EFCAB3: variants seen among roughly 807,000 people sequenced by gnomAD.
EFCAB3 encodes the protein EF-hand calcium binding domain 3.
Under a neutral mutation model 42.2 loss-of-function variants are expected in EFCAB3, and 36 were observed. The ratio of observed to expected loss-of-function variants is 0.85; its 90% CI spans 0.65 to 1.13. The LOEUF (loss-of-function observed/expected upper bound fraction) is 1.13, where lower values mean the gene tolerates loss of function less well. Among genes scored for constraint, EFCAB3 ranks in the 50% most tolerant of loss-of-function variants. The pLI, the probability that EFCAB3 is intolerant of heterozygous loss-of-function variation, is 0.00. For missense variants in EFCAB3, 418 were observed against 505.1 expected, an observed-to-expected ratio of 0.83 and a Z score of 1.65; for synonymous variants, 170 against 172.8, an observed-to-expected ratio of 0.98 and a Z score of 0.13.
intron 6 of EFCAB3, among the ~76,000 whole-genome samples, chr17:62,399,497 C>A (rs2070382688): frequency 6.6e-6 from 1 of 151,874 alleles, no homozygotes; most frequent in Non-Finnish European, 1.5e-5. Context: ...GACATATTGG[C>A]CCTCTATGTG....
At chr17:62,387,455 C>T in intron 3 of EFCAB3, 39 bp downstream of exon 3, 2 of 1,510,432 alleles carry the variant, frequency 1.3e-6, no homozygotes, top group Non-Finnish European at 1.8e-6. Context: ...CATAACAGCT[C>T]CTTAATATGT....
At chr17:62,371,112 AAAG>A (rs2070111674) in intron 1 of EFCAB3, among the ~76,000 whole-genome samples, 2 of 151,898 alleles carry the variant, frequency 1.3e-5, no homozygotes, top group South Asian at 2.1e-4. Context: ...GAAAAAAAAA[AAAG>A]AGCAGATTTT....
intron 6 of EFCAB3, among the ~76,000 whole-genome samples, chr17:62,399,943 C>G (rs879390730): frequency 6.6e-6 from 1 of 152,138 alleles, no homozygotes; most frequent in Non-Finnish European, 1.5e-5. Context: ...TTCCCAGTAT[C>G]TATTATAGGA....
chr17:62,403,502 C>T (rs1218230636), intron 6 of EFCAB3, among the ~76,000 whole-genome samples: 1 of 152,208 alleles, frequency 6.6e-6, no homozygotes, highest in African/African-American at 2.4e-5. Context: ...AAGCACAAAT[C>T]TAATCATATC....
At position 62,393,600 on chromosome 17, in the gene EFCAB3, T is replaced by G. The variant is rs1405434846; in HGVS notation, c.323T>G (p.Phe108Cys). Reference sequence around the variant, plus strand: ...GATGGGAAGGTGAACTTCTCAGACTTTATCAAGGTTCTAACAGATAAGAAT... The same window carrying G: ...GATGGGAAGGTGAACTTCTCAGACTGTATCAAGGTTCTAACAGATAAGAAT... The part of the protein sequence containing the change: ...DRDGKVNFSD[F>C]IKVLTDKNLF... Residue 108 changes from phenylalanine to cysteine, a missense_variant, in exon 5 of 10, where the codon TTT (phenylalanine) becomes TGT (cysteine). Transcript: ENST00000305286. The G allele has an allele frequency of 6.2e-7, 1 of 1,614,132 alleles. No individual in the cohort carries two copies. Among genetic ancestry groups the G allele is most frequent in the Admixed American group, 1.7e-5 (1 of 60,016 alleles).
chr17:62,399,744 C>A (rs896182412), intron 6 of EFCAB3, among the ~76,000 whole-genome samples: 7 of 152,106 alleles, frequency 4.6e-5, no homozygotes, highest in Admixed American at 4.6e-4. Context: ...TCTAACCACC[C>A]TGTTTAAAAC....
chr17:62,377,442 A>G (rs1336849263), upstream of EFCAB3, among the ~76,000 whole-genome samples: 1 of 152,212 alleles, frequency 6.6e-6, no homozygotes, highest in Non-Finnish European at 1.5e-5. Flanking sequence ...TTTAGAGGAA[A>G]GAAAAGAAAA....
At chr17:62,373,633 C>T (rs76231263) in intron 1 of EFCAB3, among the ~76,000 whole-genome samples, 1 of 151,484 alleles carries the variant, frequency 6.6e-6, no homozygotes, top group South Asian at 2.1e-4. Context: ...AAAAGTTCAT[C>T]TTTTTTTTTC....
At chr17:62,373,729 G>T in intron 1 of EFCAB3, 2 of 758,598 alleles carry the variant, frequency 2.6e-6, no homozygotes, top group Non-Finnish European at 4.4e-6. Flanking sequence ...AAGAATTTCA[G>T]CCTATTATAT....
intron 2 of EFCAB3, among the ~76,000 whole-genome samples, chr17:62,375,244 G>C (rs1304478962): frequency 6.6e-6 from 1 of 152,170 alleles, no homozygotes; most frequent in African/African-American, 2.4e-5. Context: ...AGTTAGTCCT[G>C]TTGTATTTTA....
At chr17:62,384,912 A>G (rs1361318169) in intron 2 of EFCAB3, among the ~76,000 whole-genome samples, 1 of 152,206 alleles carries the variant, frequency 6.6e-6, no homozygotes, top group Non-Finnish European at 1.5e-5. Flanking sequence ...TCAACACTTT[A>G]TTACAAAATA....
upstream of EFCAB3, chr17:62,377,897 T>G: frequency 8.2e-7 from 1 of 1,212,344 alleles, no homozygotes; most frequent in Non-Finnish European, 1.2e-6. Context: ...TAAGATAAAT[T>G]ATGCCCTCCT....
intron 1 of EFCAB3, among the ~76,000 whole-genome samples, chr17:62,371,641 A>T (rs1190778354): frequency 2.6e-5 from 4 of 152,192 alleles, no homozygotes; most frequent in African/African-American, 9.7e-5. Context: ...GTTGTGCCTG[A>T]TGGTATGATT....
upstream of EFCAB3, among the ~76,000 whole-genome samples, chr17:62,379,161 G>C (rs1236467508): frequency 6.6e-6 from 1 of 152,072 alleles, no homozygotes; most frequent in Non-Finnish European, 1.5e-5. Flanking sequence ...GGTAGCTCAC[G>C]CCTGTAATCC....
At chr17:62,387,304 G>C in intron 2 of EFCAB3, 36 bp from the exon 3 acceptor site, 1 of 1,524,012 alleles carries the variant, frequency 6.6e-7, no homozygotes, top group South Asian at 1.1e-5. Flanking sequence ...GTTTCACATA[G>C]GTAGTAAATC....
At chr17:62,408,162 A>G in intron 8 of EFCAB3, among the ~76,000 whole-genome samples, 1 of 152,254 alleles carries the variant, frequency 6.6e-6, no homozygotes, top group Non-Finnish European at 1.5e-5. Flanking sequence ...TATAACATTC[A>G]TGTACACAAG....
upstream of EFCAB3, among the ~76,000 whole-genome samples, chr17:62,376,030 T>C (rs1373270548): frequency 2.0e-5 from 3 of 152,188 alleles, no homozygotes; most frequent in Non-Finnish European, 4.4e-5. Context: ...CCAATCCACC[T>C]ACTGCCACTG....
chr17:62,371,128 T>G (rs746789789), intron 1 of EFCAB3, among the ~76,000 whole-genome samples: 6 of 151,222 alleles, frequency 4.0e-5, no homozygotes, highest in Non-Finnish European at 8.8e-5. Context: ...CAGATTTTGG[T>G]TCAAGAATAG....
At chr17:62,398,717 A>G (rs2070375715) in intron 6 of EFCAB3, among the ~76,000 whole-genome samples, 1 of 151,862 alleles carries the variant, frequency 6.6e-6, no homozygotes, top group African/African-American at 2.4e-5. Context: ...ACACACACAC[A>G]CACACATATA....
Sources: allele counts gnomAD v4.1 joint callset (sites outside exome capture counted in the v4.1 genomes callset), GRCh38; gene constraint gnomAD v4.1.1; transcripts MANE v1.5; gene names NCBI Gene and HGNC (gene_info 2026-07-23, HGNC 2026-07-21).